Variants in SLC12A5 observed in about 807,000 individuals in gnomAD.
SLC12A5 encodes the protein K-Cl cotransporter 2.
In SLC12A5, 18 loss-of-function variants were observed where a neutral mutation model predicts 124.0. The ratio of observed to expected loss-of-function variants is 0.15; its 90% CI spans 0.10 to 0.22. The LOEUF (loss-of-function observed/expected upper bound fraction) is 0.22, where lower values mean the gene tolerates loss of function less well. Ranked by LOEUF, SLC12A5 falls within the 10% of genes least tolerant of loss-of-function variation. The pLI is 1.00. For synonymous variants in SLC12A5, 589 were observed against 568.0 expected (o/e 1.04, Z -0.53); for missense variants, 867 against 1,478.7 (o/e 0.59, Z 6.78).
At chr20:46,028,427 T>C (rs1192231676), upstream of SLC12A5, among the ~76,000 whole-genome samples, 1 of 152,136 alleles carries the variant, frequency 6.6e-6, no homozygotes, top group South Asian at 2.1e-4. Flanking sequence ...CAGTCCGCAG[T>C]CAGAAGGTCC....
Position 46,035,041 on chromosome 20 carries a change from A to G in SLC12A5, c.146A>G (p.Glu49Gly). The change falls in exon 2 of 26, where the codon GAG becomes GGG. Residue 49 changes from glutamate to glycine, a missense_variant and splice_region_variant. This residue lies in a region of SLC12A5 where 126 missense variants were observed against 291.6 expected (regional missense o/e 0.43). Coordinates refer to ENST00000243964, the MANE Select transcript of SLC12A5 (RefSeq NM_020708.5). ...EYDGKNMALF[E>G]EEMDTSPMVS... is the part of the protein sequence containing the mutation. ...GATGGCAAGAACATGGCCTTGTTTG[A>G]GGTGGGCTGCTAGGGCTGTTGGGCC... The G allele has an allele frequency of 6.2e-7, 1 of 1,613,762 alleles. No individual in the cohort carries two copies. Among genetic ancestry groups the G allele is most frequent in the Non-Finnish European group, 8.5e-7 (1 of 1,179,834 alleles).
chr20:46,058,011 G>A lies in SLC12A5; in HGVS notation c.*406G>A. Reference sequence around the variant, plus strand: ...CCTCGCTCTGCGCTCCTCCGGCGCTGCTCCCTGGCTCCCGGCGGCCCGGAG... The same window carrying A: ...CCTCGCTCTGCGCTCCTCCGGCGCTACTCCCTGGCTCCCGGCGGCCCGGAG... On this transcript the variant is annotated 3_prime_UTR_variant, in exon 26 of 26. Transcript: ENST00000243964. This position sits in a 1 kb window ranked among gnomAD's most constrained non-coding sequence, Gnocchi z 5.8. The A allele has an allele frequency of 5.6e-6, 1 of 179,686 alleles. No individual in the cohort carries two copies. The highest frequency in any genetic ancestry group is 1.9e-4 in the South Asian group (1 of 5,328). The allele number at this position is 179,686 out of a possible 1,614,324, so 11.1% of individuals were successfully genotyped here. A position where few individuals can be genotyped will look rare whatever the true frequency, so the allele number is the denominator to read the frequency against.
chr20:46,029,436 A>C (rs749135844), intron 1 of SLC12A5, 40 bp downstream of exon 1: 60 of 1,541,068 alleles, frequency 3.9e-5, no homozygotes, highest in Middle Eastern at 1.8e-4. Flanking sequence ...GGGGGCAGCG[A>C]GGAGAGGAGG....
intron 1 of SLC12A5, among the ~76,000 whole-genome samples, chr20:46,032,913 A>G (rs1365172743): frequency 6.6e-6 from 1 of 152,170 alleles, no homozygotes; most frequent in Non-Finnish European, 1.5e-5. Flanking sequence ...ACTTAGCTCC[A>G]AAGACTTTTC....
intron 17 of SLC12A5, among the ~76,000 whole-genome samples, chr20:46,050,127 A>G (rs2084635167): frequency 6.6e-6 from 1 of 152,238 alleles, no homozygotes; most frequent in South Asian, 2.1e-4. Context: ...CAAAGTATAA[A>G]TCTTTCAAGG....
rs765121916 is a variant in SLC12A5, at chr20:46,056,133, C to T, written c.2788-17C>T. On this transcript the variant is annotated splice_polypyrimidine_tract_variant and intron_variant, in intron 21 of 25. Coordinates refer to ENST00000243964, the MANE Select transcript of SLC12A5 (RefSeq NM_020708.5). The surrounding 1 kb of genome is among the most constrained non-coding windows in gnomAD (Gnocchi z 4.3). ...TGACTCCCAGCAGAGCTGGCACCAA[C>T]CTATGTCACTCCCTAGATCCAGAGT... 6.2e-7 allele frequency: 1 copy of T among 1,613,644 alleles called. No homozygotes were observed. The highest frequency in any genetic ancestry group is 8.5e-7 in the Non-Finnish European group (1 of 1,179,778).
chr20:46,057,569 C>T lies in SLC12A5; in HGVS notation c.3315C>T (p.Arg1105=), dbSNP rs974876670. The T allele has an allele frequency of 2.5e-6, 4 of 1,613,826 alleles. No homozygotes were observed. The highest frequency in any genetic ancestry group is 1.1e-5 in the South Asian group (1 of 91,086). The change falls in exon 26 of 26, where the codon CGC becomes CGT. Residue 1105 remains arginine (R), a synonymous_variant. Transcript: ENST00000243964. This position sits in a 1 kb window ranked among gnomAD's most constrained non-coding sequence, Gnocchi z 7.1. The part of the protein sequence containing the change: ...TEHLDRVMLV[R]GGGREVITIY... Reference sequence around the variant, plus strand: ...ACCTGGACCGGGTGATGCTGGTCCGCGGCGGCGGCCGCGAGGTCATCACCA... The same window carrying T: ...ACCTGGACCGGGTGATGCTGGTCCGTGGCGGCGGCCGCGAGGTCATCACCA...
chr20:46,045,246 G>A lies in SLC12A5; in HGVS notation c.1569+106G>A. 1 of 1,314,008 alleles carries A rather than the reference G, an allele frequency of 7.6e-7. No homozygotes were observed. Among genetic ancestry groups the A allele is most frequent in the Non-Finnish European group, 1.0e-6 (1 of 980,356 alleles). 81.4% of individuals were successfully genotyped at this position (1,314,008 alleles called of 1,614,324 possible). A position where few individuals can be genotyped will look rare whatever the true frequency, so the allele number is the denominator to read the frequency against. ...CATAACCAGCCTTAGACTACCTCCT[G>A]GGCCACTTCTGCTCTGTACTGCACT... On this transcript the variant is annotated intron_variant, in intron 12 of 25. Transcript: ENST00000243964. This position sits in a 1 kb window ranked among gnomAD's most constrained non-coding sequence, Gnocchi z 4.9.
chr20:46,034,047 C>G (rs2084476207), intron 1 of SLC12A5, among the ~76,000 whole-genome samples: 1 of 152,120 alleles, frequency 6.6e-6, no homozygotes, highest in African/African-American at 2.4e-5. Flanking sequence ...AAGGGACCAG[C>G]CTGCGCTTCC....
Position 46,053,007 on chromosome 20 carries a change from A to T in SLC12A5, c.2428A>T (p.Asn810Tyr). 6.2e-7 allele frequency: 1 copy of T among 1,614,066 alleles called. No homozygotes were observed. The highest frequency in any genetic ancestry group is 1.7e-5 in the Admixed American group (1 of 60,018). ...AGHLALLVTK[N>Y]VSMFPGNPER... ...CCACTTAGCCCTGCTGGTCACCAAG[A>T]ACGTTTCCATGTTTCCTGGGAACCC... Residue 810 changes from asparagine (N) to tyrosine (Y), a missense_variant, in exon 19 of 26, where the codon AAC becomes TAC. Asn to Tyr is a moderately radical substitution (Grantham distance 143, BLOSUM62 -2). Coordinates refer to ENST00000243964, the MANE Select transcript of SLC12A5 (RefSeq NM_020708.5). This position sits in a 1 kb window ranked among gnomAD's most constrained non-coding sequence, Gnocchi z 4.7.
At position 46,041,455 on chromosome 20, in the gene SLC12A5, C is replaced by G. The variant is rs1246713640; in HGVS notation, c.981C>G (p.Leu327=). 3 of 1,614,046 alleles carry G rather than the reference C, an allele frequency of 1.9e-6. No individual in the cohort carries two copies. Among genetic ancestry groups the G allele is most frequent in the African/African-American group, 2.7e-5 (2 of 74,920 alleles). The change falls in exon 8 of 26, where the codon CTC becomes CTG. Residue 327 remains leucine, a synonymous_variant. Coordinates refer to ENST00000243964, the MANE Select transcript of SLC12A5 (RefSeq NM_020708.5). ...GCCTTTTCTGCTCCTCTCGCTTCCTCAACGCCACCTGTGATGAATACTTCA... is the reference window on the plus strand; with the variant it reads ...GCCTTTTCTGCTCCTCTCGCTTCCTGAACGCCACCTGTGATGAATACTTCA... ...LWGLFCSSRF[L]NATCDEYFTR... is the part of the protein sequence containing the mutation.
intron 1 of SLC12A5, among the ~76,000 whole-genome samples, chr20:46,031,108 G>A (rs1002690431): frequency 6.6e-6 from 1 of 152,182 alleles, no homozygotes; most frequent in African/African-American, 2.4e-5. Context: ...CAGACACCAG[G>A]TATGGTCCCA....
chr20:46,024,317 C>CTG (rs1006457616), upstream of SLC12A5, among the ~76,000 whole-genome samples: 1 of 152,120 alleles, frequency 6.6e-6, no homozygotes, highest in Non-Finnish European at 1.5e-5. Context: ...GGGTGGGTAC[C>CTG]TGTGTGCAGG....
At chr20:46,052,299 T>G (rs569922263) in intron 18 of SLC12A5, among the ~76,000 whole-genome samples, 2 of 152,410 alleles carry the variant, frequency 1.3e-5, no homozygotes, top group East Asian at 3.9e-4. Context: ...ATGAGTTCTG[T>G]GTGCCAGCAA....
chr20:46,040,355 C>G lies in SLC12A5; in HGVS notation c.613-18C>G. On this transcript the variant is annotated intron_variant, in intron 6 of 25. Coordinates refer to ENST00000243964, the MANE Select transcript of SLC12A5 (RefSeq NM_020708.5). ...GCTGCTGACTTAGGTATCTGTTCTTCCTGCCCCTTTCCCACAGGCTTACCT... is the reference window on the plus strand; with the variant it reads ...GCTGCTGACTTAGGTATCTGTTCTTGCTGCCCCTTTCCCACAGGCTTACCT... The G allele has an allele frequency of 6.2e-7, 1 of 1,612,876 alleles. No homozygotes were observed. Among genetic ancestry groups the G allele is most frequent in the Non-Finnish European group, 8.5e-7 (1 of 1,179,884 alleles).
chr20:46,037,697 G>C (rs969054745), intron 6 of SLC12A5, among the ~76,000 whole-genome samples: 1 of 152,212 alleles, frequency 6.6e-6, no homozygotes. Context: ...TTTTACAAAT[G>C]AGAAGCTCAG....
chr20:46,044,868 T>G, intron 11 of SLC12A5, 98 bp from the exon 12 acceptor site: 5 of 1,373,604 alleles, frequency 3.6e-6, no homozygotes, highest in Non-Finnish European at 5.1e-6. Context: ...CTTAGTCCTG[T>G]GGCAGGCACA....
upstream of SLC12A5, among the ~76,000 whole-genome samples, chr20:46,024,892 T>C (rs1289802477): frequency 6.6e-6 from 1 of 152,184 alleles, no homozygotes; most frequent in Non-Finnish European, 1.5e-5. Flanking sequence ...TCCTCTACTA[T>C]GCCTCCATTT....
At chr20:46,023,784 T>G (rs145667416), downstream of SLC12A5, among the ~76,000 whole-genome samples, 388 of 152,244 alleles carry the variant, frequency 2.5e-3, 1 homozygote, top group African/African-American at 8.8e-3. Flanking sequence ...TTTTCTTTAC[T>G]TATGGGTATC....
Sources: gnomAD v4.1 joint callset for allele counts (sites outside exome capture counted in the v4.1 genomes callset) on GRCh38, gnomAD v4.1.1 for gene constraint, gnomAD v4.1.1 regional missense constraint, Gnocchi (gnomAD v3.1) non-coding constraint, MANE v1.5 for transcripts, NCBI Gene and HGNC (gene_info 2026-07-23, HGNC 2026-07-21) for gene names.